PDE1C: variants seen among roughly 807,000 people sequenced by gnomAD.
PDE1C encodes dual specificity calcium/calmodulin-dependent 3',5'-cyclic nucleotide phosphodiesterase 1C.
In PDE1C, 62 loss-of-function variants were observed where a neutral mutation model predicts 93.1. The ratio of observed to expected loss-of-function variants is 0.67; its 90% CI spans 0.54 to 0.82. The LOEUF (loss-of-function observed/expected upper bound fraction) is 0.82. Ranked by LOEUF, PDE1C falls within the 40% of genes least tolerant of loss-of-function variation. The pLI, the probability that PDE1C is intolerant of heterozygous loss-of-function variation, is 0.00. For synonymous variants in PDE1C, 325 were observed against 310.1 expected (o/e 1.05, Z -0.50); for missense variants, 742 against 884.6 (o/e 0.84, Z 2.04).
At chr7:31,641,794 C>G in the PDE1C span, among the ~76,000 whole-genome samples, 23,838 of 152,176 alleles carry the variant, frequency 0.16, 2,352 homozygotes, top group Non-Finnish European at 0.2. Context: ...TATATATACA[C>G]ACACACAAAT....
intron 1 of PDE1C, among the ~76,000 whole-genome samples, chr7:32,296,977 G>A (rs1812636717): frequency 6.6e-6 from 1 of 152,180 alleles, no homozygotes; most frequent in African/African-American, 2.4e-5. Flanking sequence ...CTCCAACGGA[G>A]AACTCAGGGA....
At chr7:31,959,083 C>T (rs1162548866) in intron 2 of PDE1C, among the ~76,000 whole-genome samples, 4 of 152,132 alleles carry the variant, frequency 2.6e-5, no homozygotes, top group African/African-American at 2.4e-5. Context: ...CATCATCTCC[C>T]TCCATTTTAT....
At chr7:31,723,677 C>T in the PDE1C span, among the ~76,000 whole-genome samples, 1 of 152,196 alleles carries the variant, frequency 6.6e-6, no homozygotes. Context: ...TCACACTTCC[C>T]CACCATGCCA....
chr7:32,202,958 G>C (rs751959587), intron 2 of PDE1C, among the ~76,000 whole-genome samples: 1 of 151,960 alleles, frequency 6.6e-6, no homozygotes, highest in Non-Finnish European at 1.5e-5. Context: ...TTACATAATA[G>C]AAACTTTATA....
intron 6 of PDE1C, among the ~76,000 whole-genome samples, chr7:31,866,824 A>G (rs1453815668): frequency 6.6e-6 from 1 of 152,096 alleles, no homozygotes; most frequent in Non-Finnish European, 1.5e-5. Flanking sequence ...AGTGATGGCT[A>G]GCAGTCCACA....
At position 31,790,988 on chromosome 7, in the gene PDE1C, T is replaced by C. The variant is rs117484110; in HGVS notation, c.1892-15256A>G. Among the ~76,000 whole-genome samples, 1,164 of 152,266 alleles carry C rather than the reference T, an allele frequency of 7.6e-3. 12 individuals are homozygous for C. The highest frequency in any genetic ancestry group is 0.024 in the Middle Eastern group (7 of 294). On this transcript the variant is annotated intron_variant, in intron 16 of 17. Transcript: ENST00000396191. The stretch of plus-strand genomic sequence containing the variant: ...GTGTTGCATGCTCTGCAAGTCATCA[T>C]GCCTTATAGTTAGAAAGTGTTCCCT...
intron 1 of PDE1C, among the ~76,000 whole-genome samples, chr7:32,355,763 TC>T (rs1234534899): frequency 3.9e-5 from 6 of 152,212 alleles, no homozygotes; most frequent in Non-Finnish European, 7.3e-5. Context: ...CCCTGGTTTG[TC>T]CCAGAGCCTG....
chr7:31,777,017 G>A (rs1783034150), intron 16 of PDE1C, among the ~76,000 whole-genome samples: 2 of 147,702 alleles, frequency 1.4e-5, no homozygotes, highest in Admixed American at 6.7e-5. Context: ...GGGAGGGATA[G>A]CATTAGGAGA....
chr7:32,371,201 A>G (rs778500385), intron 1 of PDE1C, among the ~76,000 whole-genome samples: 26 of 152,120 alleles, frequency 1.7e-4, no homozygotes, highest in Non-Finnish European at 3.4e-4. Context: ...AAACAAAAAC[A>G]AAACAAAATT....
At chr7:32,369,678 T>A (rs1365363690) in intron 1 of PDE1C, among the ~76,000 whole-genome samples, 1 of 152,162 alleles carries the variant, frequency 6.6e-6, no homozygotes, top group Non-Finnish European at 1.5e-5. Context: ...CAAAGAGACT[T>A]CTGTGCCCCC....
chr7:32,110,137 T>C (rs1413166035), intron 3 of PDE1C, among the ~76,000 whole-genome samples: 2 of 152,212 alleles, frequency 1.3e-5, no homozygotes, highest in Non-Finnish European at 2.9e-5. Flanking sequence ...ATAACATTTT[T>C]TGGAATCCAA....
chr7:32,349,322 T>C (rs1189029199), intron 1 of PDE1C, among the ~76,000 whole-genome samples: 1 of 152,168 alleles, frequency 6.6e-6, no homozygotes, highest in Non-Finnish European at 1.5e-5. Flanking sequence ...CTCAGGCCAG[T>C]GGGGCAGGTG....
intron 1 of PDE1C, among the ~76,000 whole-genome samples, chr7:32,232,219 G>A (rs1451101716): frequency 1.3e-4 from 20 of 152,124 alleles, no homozygotes; most frequent in Non-Finnish European, 2.1e-4. Context: ...CTCTGATCTC[G>A]TCTCAAGGCA....
chr7:31,693,366 C>T, the PDE1C span, among the ~76,000 whole-genome samples: 7 of 152,266 alleles, frequency 4.6e-5, no homozygotes, highest in South Asian at 1.2e-3. Flanking sequence ...ATGACTATGG[C>T]ATGTAAAATA....
chr7:31,787,719 G>A (rs1336548075), intron 16 of PDE1C: 1 of 152,160 alleles, frequency 6.6e-6, no homozygotes, highest in Non-Finnish European at 1.5e-5. Flanking sequence ...ATAGAATAAT[G>A]TTTGTCCCAA....
chr7:32,386,119 A>AATGT (rs1784622779), intron 1 of PDE1C, among the ~76,000 whole-genome samples: 4 of 148,188 alleles, frequency 2.7e-5, no homozygotes, highest in Non-Finnish European at 4.5e-5. Flanking sequence ...CAGAAACAAA[A>AATGT]ATGTATATAT....
the PDE1C span, among the ~76,000 whole-genome samples, chr7:31,660,885 A>G: frequency 6.6e-6 from 1 of 150,578 alleles, no homozygotes; most frequent in Admixed American, 6.6e-5. Context: ...TAATATACAC[A>G]TATGTATGTG....
intron 1 of PDE1C, among the ~76,000 whole-genome samples, chr7:32,341,018 T>G (rs1193619957): frequency 6.6e-6 from 1 of 152,064 alleles, no homozygotes; most frequent in Admixed American, 6.5e-5. Context: ...GATAATGATG[T>G]GTCCATGTAG....
rs1584896793 is a variant in PDE1C at position 32,170,703 on chromosome 7, G to A, written c.137-747C>T. Among the ~76,000 whole-genome samples, 4 of 152,142 alleles carry A rather than the reference G, an allele frequency of 2.6e-5. No homozygotes were observed. In the South Asian group the frequency reaches 8.3e-4, roughly 32 times the overall value. On this transcript the variant is annotated intron_variant, in intron 2 of 18. Coordinates refer to the PDE1C transcript ENST00000396193. ...CATGTGCCCAACACAGCTAGTTCTG[G>A]ACAACCCAATAGTATGCCTGAGTCA... is the stretch of plus-strand genomic sequence containing the variant.
Sources: gnomAD v4.1 joint callset for allele counts (sites outside exome capture counted in the v4.1 genomes callset) on GRCh38, gnomAD v4.1.1 for gene constraint, MANE v1.5 for transcripts, NCBI Gene and HGNC (gene_info 2026-07-23, HGNC 2026-07-21) for gene names.